Variants in CAPN13 observed in about 807,000 individuals in gnomAD.
CAPN13 encodes the protein calpain 13, also known as calpain-13.
A neutral mutation model predicts 98.4 loss-of-function variants in CAPN13; 90 were observed. That is an observed-to-expected ratio of 0.92 (90% CI 0.77 to 1.09). The LOEUF (loss-of-function observed/expected upper bound fraction) is 1.09. Among genes scored for constraint, CAPN13 ranks in the 50% least tolerant of loss-of-function variants. The pLI, the probability that CAPN13 is intolerant of heterozygous loss-of-function variation, is 0.00. For synonymous variants in CAPN13, 330 were observed against 305.5 expected, an observed-to-expected ratio of 1.08 and a Z score of -0.84; for missense variants, 887 against 841.3, an observed-to-expected ratio of 1.05 and a Z score of -0.67.
In CAPN13 at chr2:30,770,460, G is replaced by A; in HGVS notation, c.388-11C>T. The A allele has an allele frequency of 6.2e-7, 1 of 1,613,340 alleles. No homozygotes were observed. The highest frequency in any genetic ancestry group is 8.5e-7 in the Non-Finnish European group (1 of 1,179,476). On this transcript the variant is annotated splice_polypyrimidine_tract_variant and intron_variant, in intron 4 of 22. Coordinates refer to ENST00000295055, the MANE Select transcript of CAPN13 (RefSeq NM_144575.3). ...GCCACATTGCCAGAACTGGAAGAGA[G>A]CCAAGCATATGCTTTGACAGAGTTG...
At chr2:30,804,262 G>T (rs907898852) in intron 1 of CAPN13, among the ~76,000 whole-genome samples, 1 of 152,078 alleles carries the variant, frequency 6.6e-6, no homozygotes, top group Non-Finnish European at 1.5e-5. Flanking sequence ...GTGCAGTGGC[G>T]CAACCTCGGC....
At chr2:30,772,395 C>T (rs1323450121) in intron 4 of CAPN13, among the ~76,000 whole-genome samples, 2 of 152,216 alleles carry the variant, frequency 1.3e-5, no homozygotes, top group Non-Finnish European at 2.9e-5. Context: ...GAGAGGAAAT[C>T]TACAGAGCTT....
chr2:30,728,471 G>T lies in CAPN13; in HGVS notation c.*30+2259C>A, dbSNP rs1266821767. On this transcript the variant is annotated intron_variant, in intron 22 of 22. Transcript: ENST00000295055. ...ACTGGGCTAAGACATAAAGGATCAG[G>T]AGTTTGGTGACTGACAGCCAAGACA... Among the ~76,000 whole-genome samples, 8 of 152,256 alleles carry T rather than the reference G, an allele frequency of 5.3e-5. 1 individual carries two copies. In the East Asian group the frequency reaches 1.5e-3, roughly 29 times the overall value.
chr2:30,752,701 C>G (rs1672236363), intron 10 of CAPN13, among the ~76,000 whole-genome samples: 2 of 152,178 alleles, frequency 1.3e-5, no homozygotes, highest in African/African-American at 4.8e-5. Flanking sequence ...CAACCTAGGC[C>G]CTGACACTTT....
At chr2:30,789,867 G>A (rs559892873) in intron 1 of CAPN13, among the ~76,000 whole-genome samples, 2 of 152,202 alleles carry the variant, frequency 1.3e-5, no homozygotes, top group Non-Finnish European at 2.9e-5. Flanking sequence ...GGCTCAGAGG[G>A]GCTTGCAGGG....
At chr2:30,739,634 A>G (rs1162961326) in intron 15 of CAPN13, among the ~76,000 whole-genome samples, 1 of 152,152 alleles carries the variant, frequency 6.6e-6, no homozygotes, top group Non-Finnish European at 1.5e-5. Flanking sequence ...TTTGAACAGC[A>G]GTTAGCATGC....
At chr2:30,737,606 T>A (rs1275595011) in intron 17 of CAPN13, 1 of 155,966 alleles carries the variant, frequency 6.4e-6, no homozygotes, top group East Asian at 1.9e-4. Context: ...GAATGCAGCA[T>A]AGCAATGCTG....
intron 1 of CAPN13, among the ~76,000 whole-genome samples, chr2:30,805,759 A>C (rs893605078): frequency 5.5e-5 from 1 of 18,150 alleles, no homozygotes; most frequent in Non-Finnish European, 1.3e-4. Flanking sequence ...TTTTTTTTTG[A>C]GACAGGGTCT....
At chr2:30,772,502 C>G (rs973510802) in intron 4 of CAPN13, among the ~76,000 whole-genome samples, 5 of 152,216 alleles carry the variant, frequency 3.3e-5, no homozygotes, top group African/African-American at 9.6e-5. Flanking sequence ...TCCTAACCAC[C>G]TAAGTAGCTC....
At chr2:30,804,969 G>T (rs1407926417) in intron 1 of CAPN13, among the ~76,000 whole-genome samples, 2 of 152,188 alleles carry the variant, frequency 1.3e-5, no homozygotes, top group African/African-American at 4.8e-5. Flanking sequence ...TTTCTTAGGT[G>T]CCATCTCAGG....
chr2:30,738,324 T>C lies in CAPN13; in HGVS notation c.1595-31A>G, dbSNP rs761970497. 1.5e-5 allele frequency: 25 copies of C among 1,613,328 alleles called. No individual in the cohort carries two copies. The South Asian group carries it at 2.1e-4, about 13-fold the overall frequency. The stretch of plus-strand genomic sequence containing the variant: ...GAGAGAAGGACAGGAAGGACTGAAG[T>C]GTTGACAGTGGGGTGTGGGGTGGGG... On this transcript the variant is annotated intron_variant, in intron 16 of 22. Transcript: ENST00000295055.
chr2:30,739,285 G>A (rs140579647), intron 15 of CAPN13, among the ~76,000 whole-genome samples: 117 of 152,236 alleles, frequency 7.7e-4, no homozygotes, highest in African/African-American at 2.3e-3. Context: ...GGGAGCTGGC[G>A]CTGGAAAGAT....
At chr2:30,747,138 G>A (rs532754858) in intron 11 of CAPN13, among the ~76,000 whole-genome samples, 51 of 152,328 alleles carry the variant, frequency 3.3e-4, no homozygotes, top group African/African-American at 9.4e-4. Context: ...GTCTTTTCAC[G>A]TAGTAGAAGG....
chr2:30,761,675 T>C (rs1219157757), intron 7 of CAPN13, among the ~76,000 whole-genome samples: 1 of 152,216 alleles, frequency 6.6e-6, no homozygotes, highest in East Asian at 1.9e-4. Context: ...GTATTACTAA[T>C]TGATAACAGC....
At position 30,789,713 on chromosome 2, in the gene CAPN13, C is replaced by T. The variant is rs908628793; in HGVS notation, c.-32-2356G>A. On this transcript the variant is annotated intron_variant, in intron 1 of 22. Coordinates refer to ENST00000295055, the MANE Select transcript of CAPN13 (RefSeq NM_144575.3). ...CAGATGAAACCATGCTCCCAGAACA[C>T]GCAGCACAGTGACTGGTAAGTACAA... is the stretch of plus-strand genomic sequence containing the variant. Among the ~76,000 whole-genome samples the T allele has an allele frequency of 4.3e-4, 65 of 152,296 alleles. 1 individual carries two copies. The highest frequency in any genetic ancestry group is 3.4e-3 in the Middle Eastern group (1 of 294).
intron 1 of CAPN13, 60 bp from the exon 2 acceptor site, chr2:30,787,417 A>G (rs999922905): frequency 2.3e-6 from 3 of 1,327,978 alleles, no homozygotes; most frequent in African/African-American, 1.5e-5. Context: ...GCATCATCAA[A>G]TGTGAGCCCC....
rs531411126 is a variant in CAPN13, at chr2:30,776,143, C to T, written c.272-98G>A. ...CTTACCACCAGAGGCTACACAATTC[C>T]TTCTAAATAATGCATTTTTTTTTCC... On this transcript the variant is annotated intron_variant, in intron 3 of 22. Transcript: ENST00000295055. 3.6e-5 allele frequency: 25 copies of T among 690,524 alleles called. No homozygotes were observed. The African/African-American group carries it at 5.0e-4, about 14-fold the overall frequency. 42.8% of individuals were successfully genotyped at this position (690,524 alleles called of 1,614,324 possible).
At chr2:30,787,618 C>T (rs746917614) in intron 1 of CAPN13, among the ~76,000 whole-genome samples, 5 of 152,186 alleles carry the variant, frequency 3.3e-5, no homozygotes, top group Non-Finnish European at 7.3e-5. Context: ...ACTAGTACAT[C>T]TCATGAACAT....
At chr2:30,774,261 G>T (rs1008537377) in intron 4 of CAPN13, among the ~76,000 whole-genome samples, 2 of 151,832 alleles carry the variant, frequency 1.3e-5, no homozygotes, top group African/African-American at 4.8e-5. Flanking sequence ...AAAATTAGGA[G>T]AAAGTATAAA....
Sources: allele counts gnomAD v4.1 joint callset (sites outside exome capture counted in the v4.1 genomes callset), GRCh38; gene constraint gnomAD v4.1.1; transcripts MANE v1.5; gene names NCBI Gene and HGNC (gene_info 2026-07-23, HGNC 2026-07-21).